UBE2D2: variants seen among roughly 807,000 people sequenced by gnomAD.
UBE2D2 encodes the protein ubiquitin-conjugating enzyme E2 D2.
Under a neutral mutation model 24.2 loss-of-function variants are expected in UBE2D2, and 2 were observed. That is an observed-to-expected ratio of 0.08 (90% CI 0.03 to 0.26). The LOEUF (loss-of-function observed/expected upper bound fraction) is 0.26, where lower values mean the gene tolerates loss of function less well. Ranked by LOEUF, UBE2D2 falls within the 10% of genes least tolerant of loss-of-function variation. The pLI is 1.00. For synonymous variants in UBE2D2, 58 were observed against 56.5 expected (o/e 1.03, Z -0.12); for missense variants, 44 against 177.6 (o/e 0.25, Z 4.28).
chr5:139,564,784 C>T (rs1007639894), intron 1 of UBE2D2, among the ~76,000 whole-genome samples: 1 of 152,142 alleles, frequency 6.6e-6, no homozygotes, highest in Non-Finnish European at 1.5e-5. Context: ...CAATATTAAC[C>T]ATTTTCCCCT....
intron 5 of UBE2D2, among the ~76,000 whole-genome samples, chr5:139,615,905 G>A (rs555616481): frequency 1.6e-5 from 2 of 128,488 alleles, no homozygotes; most frequent in South Asian, 2.5e-4. Context: ...GTGCAATCTT[G>A]GCTCATTGAA....
intron 2 of UBE2D2, among the ~76,000 whole-genome samples, chr5:139,613,036 TTAAATGGTCAGCAGAGAGTAATA>T (rs1754356405): frequency 6.6e-6 from 1 of 152,208 alleles, no homozygotes; most frequent in South Asian, 2.1e-4. Flanking sequence ...ACTCAGTCCA[TTAAATGGTCAGCAGAGAGTAATA>T]TAAGTGTTTG....
chr5:139,615,409 C>T lies in UBE2D2; in HGVS notation c.304+443C>T, dbSNP rs190519034. Among the ~76,000 whole-genome samples, 11 of 152,014 alleles carry T rather than the reference C, an allele frequency of 7.2e-5. No individual in the cohort carries two copies. In the East Asian group the frequency reaches 1.2e-3, roughly 16 times the overall value. ...CTGAGGCAGGAGAATGGTGTGAACC[C>T]GGGAGGCAGAGGTTTCAGTGAGCAG... On this transcript the variant is annotated intron_variant, in intron 5 of 6. Transcript: ENST00000398733.
intron 1 of UBE2D2, among the ~76,000 whole-genome samples, chr5:139,551,172 C>T (rs1023583904): frequency 6.6e-6 from 1 of 152,026 alleles, no homozygotes; most frequent in African/African-American, 2.4e-5. Context: ...TAGTGAAACC[C>T]CATCTCTACT....
intron 2 of UBE2D2, among the ~76,000 whole-genome samples, chr5:139,601,921 AAAG>A (rs894157842): frequency 2.0e-5 from 3 of 152,140 alleles, no homozygotes; most frequent in Non-Finnish European, 2.9e-5. Flanking sequence ...AAAAAAAAAA[AAAG>A]AAAAAAAAAT....
chr5:139,574,920 A>G (rs1753435448), intron 1 of UBE2D2, among the ~76,000 whole-genome samples: 1 of 152,108 alleles, frequency 6.6e-6, no homozygotes, highest in African/African-American at 2.4e-5. Flanking sequence ...ATAAAAGATA[A>G]TTTTGTTGTT....
At chr5:139,621,852 G>A (rs893379418) in intron 5 of UBE2D2, among the ~76,000 whole-genome samples, 1 of 152,144 alleles carries the variant, frequency 6.6e-6, no homozygotes, top group African/African-American at 2.4e-5. Context: ...CAGACTCTTG[G>A]CCTGAAGCGA....
intron 2 of UBE2D2, among the ~76,000 whole-genome samples, chr5:139,603,940 A>T (rs1270776398): frequency 2.6e-5 from 4 of 151,894 alleles, no homozygotes; most frequent in African/African-American, 7.3e-5. Context: ...CAAGACTGAA[A>T]CTCCGTCTCA....
In UBE2D2 at chr5:139,561,817, T is replaced by C; in HGVS notation, c.24+2T>C. ...ATGGCTCTGAAGAGAATCCACAAGGTAAGCGGCCGGAGGTCGGCTGCGCTG... is the reference window on the plus strand; with the variant it reads ...ATGGCTCTGAAGAGAATCCACAAGGCAAGCGGCCGGAGGTCGGCTGCGCTG... On this transcript the variant is annotated splice_donor_variant, in intron 1 of 6. Transcript: ENST00000398733. LOFTEE classifies it high-confidence loss of function. 6.8e-7 allele frequency: 1 copy of C among 1,471,632 alleles called. No homozygotes were observed. Among genetic ancestry groups the C allele is most frequent in the Non-Finnish European group, 9.0e-7 (1 of 1,114,374 alleles). 91.2% of individuals were successfully genotyped at this position (1,471,632 alleles called of 1,614,324 possible). A position where few individuals can be genotyped will look rare whatever the true frequency, so the allele number is the denominator to read the frequency against.
At chr5:139,598,848 C>G (rs1754011186) in intron 1 of UBE2D2, among the ~76,000 whole-genome samples, 1 of 151,222 alleles carries the variant, frequency 6.6e-6, no homozygotes. Context: ...CAGGTGTGAG[C>G]CATCGCTCCT....
intron 1 of UBE2D2, among the ~76,000 whole-genome samples, chr5:139,596,784 C>T (rs995466803): frequency 1.3e-5 from 2 of 151,896 alleles, no homozygotes; most frequent in Non-Finnish European, 2.9e-5. Flanking sequence ...CGGTGGCTCA[C>T]TCCTGTAATC....
At position 139,544,938 on chromosome 5, in the gene UBE2D2, G is replaced by A. The variant is rs528947719; in HGVS notation, c.-64+18326G>A. 2.8e-4 allele frequency among the ~76,000 whole-genome samples: 42 copies of A among 151,920 alleles called. 1 individual carries two copies. The highest frequency in any genetic ancestry group is 9.2e-4 in the African/African-American group (38 of 41,444). On this transcript the variant is annotated intron_variant, in intron 1 of 6. Coordinates refer to the UBE2D2 transcript ENST00000511725. ...ACTACAGGTGTGCATCACCACGCCC[G>A]GCTAATTTTTTTTTGTACTTTTAGT...
At chr5:139,546,686 A>G (rs566290466) in intron 1 of UBE2D2, among the ~76,000 whole-genome samples, 2 of 147,792 alleles carry the variant, frequency 1.4e-5, no homozygotes, top group Admixed American at 1.4e-4. Context: ...GAGTTTCACC[A>G]TGTTTGCCAG....
At chr5:139,561,985 C>G (rs1270150345) in intron 1 of UBE2D2, 170 bp downstream of exon 1, 2 of 1,007,094 alleles carry the variant, frequency 2.0e-6, no homozygotes, top group Admixed American at 3.6e-5. Context: ...GTGGAGGCCC[C>G]GGCGCGCAGC....
At chr5:139,606,006 G>T (rs1754192196) in intron 2 of UBE2D2, among the ~76,000 whole-genome samples, 1 of 151,998 alleles carries the variant, frequency 6.6e-6, no homozygotes, top group Admixed American at 6.6e-5. Context: ...GCCTCCCAAA[G>T]CCCTGTGATT....
At chr5:139,623,304 C>T (rs774443992) in intron 5 of UBE2D2, 64 bp from the exon 6 acceptor site, 17 of 1,233,604 alleles carry the variant, frequency 1.4e-5, no homozygotes, top group South Asian at 3.2e-5. Context: ...GTTTTGGCGT[C>T]TCATGTTTCT....
chr5:139,603,627 A>G (rs1754130124), intron 2 of UBE2D2, among the ~76,000 whole-genome samples: 1 of 147,990 alleles, frequency 6.8e-6, no homozygotes, highest in African/African-American at 2.5e-5. Context: ...GTCTCCGAAA[A>G]AAAAAAAAAA....
chr5:139,614,655 G>A, intron 3 of UBE2D2, 38 bp downstream of exon 3: 1 of 1,613,790 alleles, frequency 6.2e-7, no homozygotes. Context: ...AACAGTTTAT[G>A]TAATTTACTC....
chr5:139,554,626 G>A (rs985344675), intron 1 of UBE2D2, among the ~76,000 whole-genome samples: 1 of 152,164 alleles, frequency 6.6e-6, no homozygotes, highest in African/African-American at 2.4e-5. Context: ...AAAAAAGGCT[G>A]CTATAAATAT....
Sources: gnomAD v4.1 joint callset for allele counts (sites outside exome capture counted in the v4.1 genomes callset) on GRCh38, gnomAD v4.1.1 for gene constraint, MANE v1.5 for transcripts, NCBI Gene and HGNC (gene_info 2026-07-23, HGNC 2026-07-21) for gene names.